AIFM1: variants seen among roughly 807,000 people sequenced by gnomAD.
The protein encoded by AIFM1 is apoptosis inducing factor mitochondria associated 1, also known as apoptosis-inducing factor 1, mitochondrial.
Under a neutral mutation model 51.7 loss-of-function variants are expected in AIFM1, and 3 were observed. That is an observed-to-expected ratio of 0.06 (90% CI 0.03 to 0.15). The LOEUF (loss-of-function observed/expected upper bound fraction) is 0.15. Among genes scored for constraint, AIFM1 ranks in the 10% least tolerant of loss-of-function variants. The pLI, the probability that AIFM1 is intolerant of heterozygous loss-of-function variation, is 1.00. For synonymous variants in AIFM1, 178 were observed against 179.4 expected, an observed-to-expected ratio of 0.99 and a Z score of 0.06; for missense variants, 330 against 476.8, an observed-to-expected ratio of 0.69 and a Z score of 2.87.
intron 11 of AIFM1, 103 bp downstream of exon 11, chrX:130,136,540 G>T: frequency 2.7e-6 from 2 of 747,812 alleles, no homozygotes; most frequent in Non-Finnish European, 2.1e-6. Context: ...AATGGCAACT[G>T]CCAGGAAAAC....
chrX:130,155,354 A>G, intron 2 of AIFM1: 1 of 1,151,905 alleles, frequency 8.7e-7, no homozygotes, highest in East Asian at 3.0e-5. Flanking sequence ...ATGAAGAAAC[A>G]TTCAATACAA....
intron 1 of AIFM1, among the ~76,000 whole-genome samples, chrX:130,164,165 C>T (rs209540): frequency 0.49 from 47,378 of 95,846 alleles, 9,465 homozygotes; most frequent in African/African-American, 0.7. Context: ...GAGACTCCGT[C>T]TCAAAAAAAA....
chrX:130,147,384 G>C (rs2030794407), intron 5 of AIFM1, 109 bp downstream of exon 5: 2 of 1,012,388 alleles, frequency 2.0e-6, no homozygotes, highest in Non-Finnish European at 2.8e-6. Flanking sequence ...GACTCTAGTG[G>C]ACAGCCAAGC....
rs2030812042 is a variant in AIFM1 at position 130,147,861 on chromosome X, T to G, written c.365A>C (p.Glu122Ala). 1.4e-5 allele frequency: 17 copies of G among 1,211,574 alleles called. No homozygotes were observed. The highest frequency in any genetic ancestry group is 1.9e-5 in the Non-Finnish European group (17 of 895,490). The stretch of plus-strand genomic sequence containing the variant: ...ACTTGGCGCCTTGTCTTGAGGAACT[T>G]CCTCTCCTTCTGAAGCTGAAAGCAA... ...KAALSASEGE[E>A]VPQDKAPSHV... is the part of the protein sequence containing the mutation. Residue 122 changes from glutamate (E) to alanine (A), a missense_variant, in exon 4 of 16, where the codon GAA (glutamate) becomes GCA (alanine). By Grantham distance (107) the Glu-to-Ala change is moderately radical (BLOSUM62 -1). Transcript: ENST00000287295.
At chrX:130,154,579 A>G (rs1051476796) in intron 2 of AIFM1, among the ~76,000 whole-genome samples, 1 of 112,168 alleles carries the variant, frequency 8.9e-6, no homozygotes, top group Admixed American at 9.5e-5. Flanking sequence ...TAGAGATTAC[A>G]AAGGGACACT....
chrX:130,132,452 G>C (rs1248143795), intron 13 of AIFM1, among the ~76,000 whole-genome samples: 2 of 112,778 alleles, frequency 1.8e-5, no homozygotes, highest in Non-Finnish European at 3.7e-5. Context: ...TTCCCTTTTT[G>C]AAGCTTTAAA....
rs145602413 is a variant in AIFM1, at chrX:130,139,903, C to T, written c.782-32G>A. The T allele has an allele frequency of 2.4e-4, 270 of 1,145,135 alleles. 4 individuals carry two copies. In the East Asian group the frequency reaches 8.0e-3, roughly 34 times the overall value. 94.4% of individuals were successfully genotyped at this position (1,145,135 alleles called of 1,213,427 possible). On this transcript the variant is annotated intron_variant, in intron 7 of 15. Transcript: ENST00000287295. ...ATAAGAGAAGGAAAACCCTTTAGCC[C>T]AACAAGCAGGAGCCAGCCCAAACAA... is the stretch of plus-strand genomic sequence containing the variant.
chrX:130,136,972 G>A (rs2030369438), intron 10 of AIFM1, 106 bp downstream of exon 10: 2 of 1,195,129 alleles, frequency 1.7e-6, no homozygotes. Flanking sequence ...CATTTTACAG[G>A]CCAGGTGATA....
At chrX:130,153,074 T>G (rs2031039648) in intron 2 of AIFM1, among the ~76,000 whole-genome samples, 1 of 108,619 alleles carries the variant, frequency 9.2e-6, no homozygotes, top group African/African-American at 3.4e-5. Context: ...GGCTCACGCC[T>G]GTAATCCCAG....
At chrX:130,133,588 A>G (rs2030196629) in intron 12 of AIFM1, 133 bp from the exon 13 acceptor site, 1 of 855,370 alleles carries the variant, frequency 1.2e-6, no homozygotes, top group African/African-American at 2.1e-5. Flanking sequence ...TACAGGCCAG[A>G]GTTGTACTTA....
intron 14 of AIFM1, among the ~76,000 whole-genome samples, chrX:130,131,449 C>G (rs754105368): frequency 8.9e-6 from 1 of 112,588 alleles, no homozygotes; most frequent in East Asian, 2.8e-4. Flanking sequence ...CTGTCTAGGA[C>G]AGATACCCAC....
At chrX:130,131,016 C>T (rs1432782718) in intron 14 of AIFM1, among the ~76,000 whole-genome samples, 1 of 112,552 alleles carries the variant, frequency 8.9e-6, no homozygotes, top group East Asian at 2.8e-4. Flanking sequence ...TAAACAGCAC[C>T]TTGCCCTTGA....
chrX:130,139,407 C>T (rs1418702834), intron 8 of AIFM1, among the ~76,000 whole-genome samples: 2 of 111,064 alleles, frequency 1.8e-5, no homozygotes, highest in Admixed American at 9.6e-5. Flanking sequence ...TGTTAAGAAG[C>T]AGAACACCTC....
At chrX:130,165,277 G>T (rs2031491547) in intron 1 of AIFM1, among the ~76,000 whole-genome samples, 1 of 110,359 alleles carries the variant, frequency 9.1e-6, no homozygotes, top group Admixed American at 9.6e-5. Context: ...GGGAGGCGCC[G>T]ACAGCCAGTT....
At position 130,147,591 on chromosome X, in the gene AIFM1, C is replaced by T. The variant is rs372563704; in HGVS notation, c.507G>A (p.Pro169=). 55 of 1,211,972 alleles carry T rather than the reference C, an allele frequency of 4.5e-5. No individual in the cohort carries two copies. Among genetic ancestry groups the T allele is most frequent in the Non-Finnish European group, 5.4e-5 (48 of 895,546 alleles). Residue 169 remains proline (P), a synonymous_variant, in exon 5 of 16, where the codon CCG becomes CCA. Transcript: ENST00000287295. The part of the protein sequence containing the change: ...VLIVSEDPEL[P]YMRPPLSKEL... ...CTTTTGAAAGAGGAGGTCGCATGTA[C>T]GGCAGCTCAGGATCTTCAGATACAA...
At chrX:130,138,327 T>C (rs1260580263) in intron 9 of AIFM1, among the ~76,000 whole-genome samples, 1 of 110,498 alleles carries the variant, frequency 9.0e-6, no homozygotes, top group Non-Finnish European at 1.9e-5. Context: ...TAGCCAGGCG[T>C]GGTTACAGGC....
chrX:130,163,425 T>C (rs1444989893), intron 1 of AIFM1, among the ~76,000 whole-genome samples: 1 of 109,770 alleles, frequency 9.1e-6, no homozygotes, highest in Non-Finnish European at 1.9e-5. Context: ...GAAAAAGAAA[T>C]CAGATTAAAA....
At chrX:130,137,273 C>T (rs1361275634) in intron 9 of AIFM1, 88 bp from the exon 10 acceptor site, 21 of 1,203,106 alleles carry the variant, frequency 1.7e-5, no homozygotes, top group Non-Finnish European at 2.2e-5. Flanking sequence ...AGCAGGCAGC[C>T]CTCACTACAG....
In AIFM1 at chrX:130,165,710, G is replaced by A; in HGVS notation, c.-54C>T. On this transcript the variant is annotated 5_prime_UTR_variant, in exon 1 of 16. Coordinates refer to ENST00000287295, the MANE Select transcript of AIFM1 (RefSeq NM_004208.4). ...CTTCCCTTTCCTCTCACGCACGACC[G>A]ACGGGTCAAACACCGTGAGCCCCGG... The A allele has an allele frequency of 9.6e-7, 1 of 1,037,630 alleles. No homozygotes were observed. The highest frequency in any genetic ancestry group is 1.3e-6 in the Non-Finnish European group (1 of 753,282). The allele number at this position is 1,037,630 out of a possible 1,213,427, so 85.5% of individuals were successfully genotyped here. A position where few individuals can be genotyped will look rare whatever the true frequency, so the allele number is the denominator to read the frequency against.
Sources: gnomAD v4.1 joint callset for allele counts (sites outside exome capture counted in the v4.1 genomes callset) on GRCh38, gnomAD v4.1.1 for gene constraint, MANE v1.5 for transcripts, NCBI Gene and HGNC (gene_info 2026-07-23, HGNC 2026-07-21) for gene names.